The following SH3KBP1 variants were observed in gnomAD, a reference collection of about 807,000 sequenced individuals.
The protein encoded by SH3KBP1 is SH3 domain containing kinase binding protein 1.
A neutral mutation model predicts 50.1 loss-of-function variants in SH3KBP1; 8 were observed. The observed-to-expected ratio is 0.16, with a 90% CI of 0.09 to 0.29. SH3KBP1 has a LOEUF of 0.29. Among genes scored for constraint, SH3KBP1 ranks in the 10% least tolerant of loss-of-function variants. The pLI is 1.00. For synonymous variants in SH3KBP1, 227 were observed against 218.6 expected, an observed-to-expected ratio of 1.04 and a Z score of -0.34; for missense variants, 377 against 535.2, an observed-to-expected ratio of 0.70 and a Z score of 2.92.
chrX:19,691,428 T>TTA (rs756177568), intron 5 of SH3KBP1, among the ~76,000 whole-genome samples: 2,679 of 99,831 alleles, frequency 0.027, 73 homozygotes, highest in African/African-American at 0.075. Context: ...ATATTCAGGT[T>TTA]TATATATATA....
chrX:19,625,713 A>G (rs1202173633), intron 8 of SH3KBP1, among the ~76,000 whole-genome samples: 1 of 112,242 alleles, frequency 8.9e-6, no homozygotes, highest in Admixed American at 9.4e-5. Flanking sequence ...ATTACCTTAC[A>G]AAGGAAACTC....
intron 2 of SH3KBP1, among the ~76,000 whole-genome samples, chrX:19,770,200 ACCCTCTACCCTTAAGTAGGCCC>A (rs2065747337): frequency 9.1e-6 from 1 of 110,086 alleles, no homozygotes; most frequent in Non-Finnish European, 1.9e-5. Context: ...CCCTCCTTCC[ACCCTCTACCCTTAAGTAGGCCC>A]CCATGTCTGT....
At chrX:19,731,846 T>C (rs1603139455) in intron 3 of SH3KBP1, among the ~76,000 whole-genome samples, 1 of 111,675 alleles carries the variant, frequency 9.0e-6, no homozygotes, top group Non-Finnish European at 1.9e-5. Context: ...AACCTAAACA[T>C]GCACAACACT....
intron 1 of SH3KBP1, among the ~76,000 whole-genome samples, chrX:19,874,068 A>AAAT (rs1491537486): frequency 3.5e-5 from 2 of 57,035 alleles, no homozygotes; most frequent in Admixed American, 2.1e-4. Context: ...AAAAAAAAAA[A>AAAT]ATATATATAT....
intron 13 of SH3KBP1, among the ~76,000 whole-genome samples, chrX:19,568,790 C>T (rs1339936370): frequency 8.8e-6 from 1 of 113,070 alleles, no homozygotes; most frequent in Admixed American, 9.3e-5. Flanking sequence ...ACAAAATACA[C>T]AAATCACTGG....
chrX:19,638,076 CCAAAA>C (rs1480888158), intron 7 of SH3KBP1, among the ~76,000 whole-genome samples: 2 of 104,614 alleles, frequency 1.9e-5, no homozygotes, highest in African/African-American at 7.1e-5. Flanking sequence ...AATTCCATCT[CCAAAA>C]CAAAACAAAA....
At chrX:19,872,587 C>T (rs1220736174) in intron 1 of SH3KBP1, among the ~76,000 whole-genome samples, 4 of 109,304 alleles carry the variant, frequency 3.7e-5, no homozygotes, top group Non-Finnish European at 1.9e-5. Flanking sequence ...CTGGCTAACA[C>T]GGTGAAACCT....
In SH3KBP1 at chrX:19,758,327, C is replaced by CAA. The variant is rs60332447; in HGVS notation, c.163-11888_163-11887dup. 2.0e-3 allele frequency among the ~76,000 whole-genome samples: 74 copies of CAA among 37,643 alleles called. 6 individuals carry two copies. The highest frequency in any genetic ancestry group is 3.5e-3 in the Non-Finnish European group (53 of 15,300). The allele number at this position is 37,643 out of a possible 115,157, so 32.7% of individuals were successfully genotyped here. A position where few individuals can be genotyped will look rare whatever the true frequency, so the allele number is the denominator to read the frequency against. ...TGGGCCACAGAGTGAGACTTCGTTT[C>CAA]AAAAAAAAAAAAAAAAAAAAAAAAA... is the stretch of plus-strand genomic sequence containing the variant. On this transcript the variant is annotated intron_variant, in intron 2 of 17. Coordinates refer to ENST00000397821, the MANE Select transcript of SH3KBP1 (RefSeq NM_031892.3).
At chrX:19,864,499 G>A (rs1456470864) in intron 1 of SH3KBP1, among the ~76,000 whole-genome samples, 3 of 112,027 alleles carry the variant, frequency 2.7e-5, no homozygotes, top group Non-Finnish European at 5.6e-5. Flanking sequence ...CAGGAGAGAA[G>A]ATCAAGTGAC....
intron 12 of SH3KBP1, among the ~76,000 whole-genome samples, chrX:19,571,673 G>T (rs1310633548): frequency 8.9e-6 from 1 of 111,747 alleles, no homozygotes; most frequent in Non-Finnish European, 1.9e-5. Flanking sequence ...ATTGGGTGCT[G>T]CCATCCTTCA....
intron 2 of SH3KBP1, among the ~76,000 whole-genome samples, chrX:19,767,476 CTT>C (rs2065654254): frequency 8.9e-6 from 1 of 112,159 alleles, no homozygotes; most frequent in South Asian, 3.7e-4. Context: ...AATTCACAAA[CTT>C]TTTCCCAGCA....
chrX:19,588,420 C>G (rs2066634425), intron 12 of SH3KBP1: 11 of 1,133,433 alleles, frequency 9.7e-6, no homozygotes, highest in Non-Finnish European at 9.4e-6. Flanking sequence ...CTCATGAAAC[C>G]CACACCGCAC....
intron 8 of SH3KBP1, among the ~76,000 whole-genome samples, chrX:19,609,071 A>C (rs1235019558): frequency 1.8e-5 from 2 of 112,875 alleles, no homozygotes. Flanking sequence ...ACGAGCAAAA[A>C]TGGCAAGAGC....
chrX:19,643,221 A>G (rs56951523), intron 7 of SH3KBP1, among the ~76,000 whole-genome samples: 1,670 of 109,543 alleles, frequency 0.015, 32 homozygotes, highest in African/African-American at 0.053. Flanking sequence ...GTGGCACTAA[A>G]TGGAAATCAT....
intron 16 of SH3KBP1, 35 bp downstream of exon 16, chrX:19,541,890 T>A: frequency 8.5e-7 from 1 of 1,182,164 alleles, no homozygotes; most frequent in South Asian, 1.9e-5. Flanking sequence ...GAGAGCAACC[T>A]GGGTGACGGC....
At chrX:19,652,690 T>A (rs904191259) in intron 6 of SH3KBP1, among the ~76,000 whole-genome samples, 3 of 112,351 alleles carry the variant, frequency 2.7e-5, no homozygotes, top group Middle Eastern at 4.6e-3. Flanking sequence ...TCTCAGTATA[T>A]TCCAAACTTA....
chrX:19,549,285 A>C (rs1317866569), intron 14 of SH3KBP1, among the ~76,000 whole-genome samples: 1 of 112,480 alleles, frequency 8.9e-6, no homozygotes, highest in Non-Finnish European at 1.9e-5. Context: ...TGTATAACAA[A>C]AAGTTAACGG....
intron 6 of SH3KBP1, among the ~76,000 whole-genome samples, chrX:19,664,458 C>G (rs1602907771): frequency 9.0e-6 from 1 of 111,171 alleles, no homozygotes; most frequent in Non-Finnish European, 1.9e-5. Context: ...CTCCCTGACC[C>G]AGCTGTATCT....
chrX:19,713,750 C>T (rs1439713409), intron 3 of SH3KBP1, among the ~76,000 whole-genome samples: 1 of 111,253 alleles, frequency 9.0e-6, no homozygotes, highest in African/African-American at 3.3e-5. Flanking sequence ...TTGAAATATA[C>T]GACACATTGT....
Sources: allele counts gnomAD v4.1 joint callset (sites outside exome capture counted in the v4.1 genomes callset), GRCh38; gene constraint gnomAD v4.1.1; transcripts MANE v1.5; gene names NCBI Gene and HGNC (gene_info 2026-07-23, HGNC 2026-07-21).